CNTNAP5: variants seen among roughly 807,000 people sequenced by gnomAD.
The protein encoded by CNTNAP5 is contactin-associated protein-like 5.
Under a neutral mutation model 150.2 loss-of-function variants are expected in CNTNAP5, and 72 were observed. The ratio of observed to expected loss-of-function variants is 0.48; its 90% confidence interval spans 0.40 to 0.58. The LOEUF is 0.58. Among genes scored for constraint, CNTNAP5 ranks in the 20% least tolerant of loss-of-function variants. CNTNAP5 has a pLI of 0.00. For synonymous variants in CNTNAP5, 672 were observed against 619.8 expected, an observed-to-expected ratio of 1.08 and a Z score of -1.25; for missense variants, 1,636 against 1,626.2, an observed-to-expected ratio of 1.01 and a Z score of -0.10.
chr2:124,902,989 C>A lies in CNTNAP5; in HGVS notation c.3544C>A (p.Arg1182Ser), dbSNP rs969802074. Residue 1182 changes from arginine to serine, a missense_variant, in exon 22 of 24, where the codon CGC becomes AGC. By Grantham distance (110) the Arg-to-Ser change is moderately radical. Coordinates refer to ENST00000682447, the MANE Select transcript of CNTNAP5 (RefSeq NM_001367498.1). ...CATAGCACCACTGAAGGCTGCCCTG[C>A]GCCATGCCACTGTCGCGCCTGTGAC... ...NHIAPLKAALRHATVAPVTVH... is the reference protein window; with the variant it reads ...NHIAPLKAALSHATVAPVTVH... 1.2e-6 allele frequency: 2 copies of A among 1,612,540 alleles called. No individual in the cohort carries two copies. The highest frequency in any genetic ancestry group is 1.7e-5 in the Admixed American group (1 of 59,880).
At position 124,510,301 on chromosome 2, in the gene CNTNAP5, C is replaced by CTATATATCTATATATCTA. The variant is rs1553474658; in HGVS notation, c.1327+5752_1327+5753insCTATATATCTATATATAT. ...TATCTATATCTATATATCTATATAT[C>CTATATATCTATATATCTA]TATATATATATCTATATATCTATCT... is the stretch of plus-strand genomic sequence containing the variant. On this transcript the variant is annotated intron_variant, in intron 8 of 23. Coordinates refer to ENST00000682447, the MANE Select transcript of CNTNAP5 (RefSeq NM_001367498.1). Among the ~76,000 whole-genome samples the CTATATATCTATATATCTA allele has an allele frequency of 1.1e-4, 12 of 106,040 alleles. 1 individual carries two copies. The highest frequency in any genetic ancestry group is 5.5e-3 in the Middle Eastern group (1 of 182). 69.6% of individuals were successfully genotyped at this position (106,040 alleles called of 152,430 possible). A position where few individuals can be genotyped will look rare whatever the true frequency, so the allele number is the denominator to read the frequency against.
intron 1 of CNTNAP5, among the ~76,000 whole-genome samples, chr2:124,160,105 G>A (rs775193466): frequency 6.6e-6 from 1 of 152,138 alleles, no homozygotes; most frequent in Non-Finnish European, 1.5e-5. Context: ...GGAAGTCCCA[G>A]TATCTGCAGT....
intron 21 of CNTNAP5, among the ~76,000 whole-genome samples, chr2:124,876,879 C>A (rs554656568): frequency 6.6e-6 from 1 of 152,092 alleles, no homozygotes; most frequent in Non-Finnish European, 1.5e-5. Context: ...TCTAATTTGA[C>A]CTTCCGCATC....
chr2:124,056,873 G>A (rs1386007119), intron 1 of CNTNAP5, among the ~76,000 whole-genome samples: 1 of 152,250 alleles, frequency 6.6e-6, no homozygotes, highest in South Asian at 2.1e-4. Context: ...CATCTCTATC[G>A]TAGTTTTCTT....
chr2:124,573,302 T>G (rs1378008169), intron 11 of CNTNAP5, among the ~76,000 whole-genome samples: 3 of 152,104 alleles, frequency 2.0e-5, no homozygotes, highest in Non-Finnish European at 4.4e-5. Flanking sequence ...GATTTGAGAG[T>G]TTCCCTCAGT....
intron 14 of CNTNAP5, among the ~76,000 whole-genome samples, chr2:124,761,737 G>A (rs1370886938): frequency 6.6e-6 from 1 of 152,008 alleles, no homozygotes; most frequent in Non-Finnish European, 1.5e-5. Flanking sequence ...GCTTTAGAGA[G>A]CAATTTACTT....
intron 22 of CNTNAP5, among the ~76,000 whole-genome samples, chr2:124,904,969 G>A (rs1239129955): frequency 7.3e-6 from 1 of 136,820 alleles, no homozygotes; most frequent in Non-Finnish European, 1.5e-5. Context: ...AAAAAGAAAT[G>A]TTTTTAAACC....
intron 3 of CNTNAP5, among the ~76,000 whole-genome samples, chr2:124,268,553 G>T (rs1377555371): frequency 6.6e-6 from 1 of 152,160 alleles, no homozygotes; most frequent in Non-Finnish European, 1.5e-5. Context: ...TGTTATAAAT[G>T]ATGCTACCAA....
chr2:124,682,314 C>T (rs2105070061), intron 13 of CNTNAP5, among the ~76,000 whole-genome samples: 1 of 152,324 alleles, frequency 6.6e-6, no homozygotes. Context: ...CAACAATGTG[C>T]TGTCGTTTTG....
At chr2:124,223,575 G>C (rs944514296) in intron 2 of CNTNAP5, among the ~76,000 whole-genome samples, 3 of 151,926 alleles carry the variant, frequency 2.0e-5, no homozygotes, top group African/African-American at 7.2e-5. Flanking sequence ...CCAGAGAAAG[G>C]AGTTGTCTCG....
chr2:124,399,208 C>T (rs1038754176), intron 3 of CNTNAP5, among the ~76,000 whole-genome samples: 27 of 152,016 alleles, frequency 1.8e-4, no homozygotes, highest in African/African-American at 6.5e-4. Flanking sequence ...TTGAAAGTCA[C>T]CTAAGAAAAG....
At chr2:124,345,073 T>C (rs1438866198) in intron 3 of CNTNAP5, among the ~76,000 whole-genome samples, 1 of 152,208 alleles carries the variant, frequency 6.6e-6, no homozygotes, top group Non-Finnish European at 1.5e-5. Flanking sequence ...AGGGTATTAG[T>C]TTCTGAGCTC....
intron 7 of CNTNAP5, among the ~76,000 whole-genome samples, chr2:124,491,622 G>A (rs1270461185): frequency 1.3e-5 from 2 of 152,074 alleles, no homozygotes; most frequent in Non-Finnish European, 2.9e-5. Context: ...AAGTGGAATT[G>A]CTAATATGGC....
chr2:124,185,459 T>A (rs567221071), intron 1 of CNTNAP5, among the ~76,000 whole-genome samples: 2 of 152,326 alleles, frequency 1.3e-5, no homozygotes, highest in East Asian at 3.9e-4. Flanking sequence ...AGAAATAAAT[T>A]AAAAATCTAG....
intron 13 of CNTNAP5, among the ~76,000 whole-genome samples, chr2:124,661,697 C>A (rs7599608): frequency 0.56 from 84,294 of 151,762 alleles, 23,983 homozygotes; most frequent in Non-Finnish European, 0.62. Flanking sequence ...ATTAAATGTG[C>A]CATACTTTCA....
intron 3 of CNTNAP5, among the ~76,000 whole-genome samples, chr2:124,408,881 A>G (rs1691669208): frequency 6.6e-6 from 1 of 152,222 alleles, no homozygotes; most frequent in Non-Finnish European, 1.5e-5. Context: ...ACAAAGCTGG[A>G]TGGAGAATGA....
intron 1 of CNTNAP5, among the ~76,000 whole-genome samples, chr2:124,106,937 A>C (rs962256649): frequency 1.3e-5 from 2 of 152,160 alleles, no homozygotes; most frequent in African/African-American, 4.8e-5. Flanking sequence ...AGACTTGAAA[A>C]TTGATTGGTG....
At chr2:124,665,116 A>G (rs1386562271) in intron 13 of CNTNAP5, among the ~76,000 whole-genome samples, 1 of 152,220 alleles carries the variant, frequency 6.6e-6, no homozygotes, top group Non-Finnish European at 1.5e-5. Flanking sequence ...ACAGGAAAAA[A>G]AGAAAAAAAG....
chr2:124,417,062 C>T (rs1430961167), intron 3 of CNTNAP5, among the ~76,000 whole-genome samples: 10 of 150,684 alleles, frequency 6.6e-5, no homozygotes, highest in East Asian at 4.0e-4. Flanking sequence ...CTCAGTCTCT[C>T]GGGTAGCTGG....
Sources: allele counts gnomAD v4.1 joint callset (sites outside exome capture counted in the v4.1 genomes callset), GRCh38; gene constraint gnomAD v4.1.1; transcripts MANE v1.5; gene names NCBI Gene and HGNC (gene_info 2026-07-23, HGNC 2026-07-21).